Variants in PARM1 observed in about 807,000 individuals in gnomAD.
PARM1 encodes the protein prostate androgen-regulated mucin-like protein 1, also known as WSC4, cell wall integrity and stress response component 4 homolog.
In PARM1, 14 loss-of-function variants were observed where a neutral mutation model predicts 24.6. That is an observed-to-expected ratio of 0.57 (90% confidence interval 0.38 to 0.89). The LOEUF (loss-of-function observed/expected upper bound fraction) is 0.89, where lower values mean the gene tolerates loss of function less well. Ranked by LOEUF, PARM1 falls within the 40% of genes least tolerant of loss-of-function variation. The pLI is 0.00. For missense variants in PARM1, 362 were observed against 380.4 expected, an observed-to-expected ratio of 0.95 and a Z score of 0.40; for synonymous variants, 179 against 156.6, an observed-to-expected ratio of 1.14 and a Z score of -1.07.
chr4:75,047,939 A>G lies in PARM1; in HGVS notation c.*1692A>G, dbSNP rs778421978. ...GTAACAGCTGATATTAGCAAGCAGC[A>G]TCTTATGTCCTGATTTCATATAGTA... On this transcript the variant is annotated 3_prime_UTR_variant, in exon 4 of 4. Transcript: ENST00000307428. The G allele has an allele frequency of 7.9e-5, 12 of 152,220 alleles. No individual in the cohort carries two copies. Among genetic ancestry groups the G allele is most frequent in the Non-Finnish European group, 1.5e-4 (10 of 68,048 alleles). 9.4% of individuals were successfully genotyped at this position (152,220 alleles called of 1,614,324 possible). A position where few individuals can be genotyped will look rare whatever the true frequency, so the allele number is the denominator to read the frequency against.
At chr4:74,960,850 TA>T (rs1560776039) in intron 1 of PARM1, among the ~76,000 whole-genome samples, 4 of 140,644 alleles carry the variant, frequency 2.8e-5, no homozygotes, top group Non-Finnish European at 6.1e-5. Context: ...CTACTAAAAA[TA>T]CAAAAAAAAA....
At chr4:75,039,836 T>G (rs1354429673) in intron 3 of PARM1, among the ~76,000 whole-genome samples, 3 of 152,234 alleles carry the variant, frequency 2.0e-5, no homozygotes, top group Admixed American at 2.0e-4. Flanking sequence ...GCCTTTGTAA[T>G]TTTGAACATG....
chr4:75,011,699 A>G (rs895011465), intron 1 of PARM1, among the ~76,000 whole-genome samples: 1 of 152,236 alleles, frequency 6.6e-6, no homozygotes, highest in Non-Finnish European at 1.5e-5. Context: ...GGCAAGTGAT[A>G]TGATGGTAAG....
At chr4:74,963,944 G>T (rs1175156723) in intron 1 of PARM1, among the ~76,000 whole-genome samples, 1 of 152,022 alleles carries the variant, frequency 6.6e-6, no homozygotes, top group Non-Finnish European at 1.5e-5. Context: ...TTGAACTAAG[G>T]CAAATGTGCT....
At chr4:74,936,170 A>T (rs1446182831) in intron 1 of PARM1, among the ~76,000 whole-genome samples, 1 of 152,124 alleles carries the variant, frequency 6.6e-6, no homozygotes, top group Non-Finnish European at 1.5e-5. Flanking sequence ...GAAATCTTAG[A>T]TGGTCTTCAG....
intron 1 of PARM1, among the ~76,000 whole-genome samples, chr4:74,966,296 CAA>C (rs1243090200): frequency 1.3e-5 from 2 of 152,006 alleles, no homozygotes; most frequent in Non-Finnish European, 2.9e-5. Flanking sequence ...CAATATGTGT[CAA>C]GACTATTTTA....
At chr4:74,945,082 A>C (rs992977835) in intron 1 of PARM1, among the ~76,000 whole-genome samples, 1 of 152,236 alleles carries the variant, frequency 6.6e-6, no homozygotes, top group African/African-American at 2.4e-5. Flanking sequence ...GAAATGGTCC[A>C]TGATGTACTG....
chr4:74,963,440 G>A (rs546616451), intron 1 of PARM1, among the ~76,000 whole-genome samples: 2 of 152,218 alleles, frequency 1.3e-5, no homozygotes, highest in East Asian at 1.9e-4. Flanking sequence ...ACCAAATATG[G>A]TATATACATG....
intron 2 of PARM1, among the ~76,000 whole-genome samples, chr4:75,019,985 G>C (rs2109799967): frequency 7.0e-6 from 1 of 142,210 alleles, no homozygotes; most frequent in East Asian, 2.0e-4. Context: ...AGTCCGGCCT[G>C]GGCGACAGAA....
At chr4:75,028,638 G>A (rs111521732) in intron 2 of PARM1, among the ~76,000 whole-genome samples, 7 of 152,346 alleles carry the variant, frequency 4.6e-5, no homozygotes, top group African/African-American at 1.7e-4. Context: ...AAGCTGACTG[G>A]TGAATTTTCA....
intron 3 of PARM1, among the ~76,000 whole-genome samples, chr4:75,041,552 A>G (rs1454720220): frequency 1.3e-5 from 2 of 152,196 alleles, no homozygotes; most frequent in Non-Finnish European, 2.9e-5. Flanking sequence ...AGGACAAGGT[A>G]TTTCCTAAAA....
chr4:74,993,650 A>C (rs191453516), intron 1 of PARM1, among the ~76,000 whole-genome samples: 6 of 152,182 alleles, frequency 3.9e-5, no homozygotes, highest in Non-Finnish European at 8.8e-5. Context: ...GTTTCAGGTA[A>C]AAAGAATAAC....
chr4:75,029,073 A>G (rs1055882192), intron 2 of PARM1, among the ~76,000 whole-genome samples: 2 of 152,162 alleles, frequency 1.3e-5, no homozygotes. Context: ...TGTGATCAAG[A>G]AAAGGGGCCC....
intron 2 of PARM1, among the ~76,000 whole-genome samples, chr4:75,017,990 T>C (rs1300648199): frequency 6.6e-6 from 1 of 152,248 alleles, no homozygotes; most frequent in Admixed American, 6.5e-5. Flanking sequence ...CTATGGTTGC[T>C]ACTTTACTAT....
intron 1 of PARM1, among the ~76,000 whole-genome samples, chr4:74,975,286 T>A (rs955490681): frequency 5.9e-5 from 9 of 152,242 alleles, no homozygotes; most frequent in African/African-American, 2.2e-4. Flanking sequence ...AACAAGACAC[T>A]GCAGTTAATG....
At chr4:75,030,220 G>T (rs1434969768) in intron 2 of PARM1, among the ~76,000 whole-genome samples, 1 of 152,130 alleles carries the variant, frequency 6.6e-6, no homozygotes, top group Non-Finnish European at 1.5e-5. Context: ...AAAAGTTAAT[G>T]ATTAAAAATG....
At chr4:75,033,842 T>A (rs1295240247) in intron 2 of PARM1, 41 bp from the exon 3 acceptor site, 1 of 1,516,390 alleles carries the variant, frequency 6.6e-7, no homozygotes, top group African/African-American at 1.4e-5. Context: ...ATGCCCCGTA[T>A]CCTCATGTAT....
At chr4:74,978,640 C>G (rs937146886) in intron 1 of PARM1, among the ~76,000 whole-genome samples, 1 of 152,144 alleles carries the variant, frequency 6.6e-6, no homozygotes, top group African/African-American at 2.4e-5. Flanking sequence ...CTTTCCACCC[C>G]AAAAATAATG....
chr4:74,938,823 C>T (rs1157280220), intron 1 of PARM1, among the ~76,000 whole-genome samples: 1 of 152,098 alleles, frequency 6.6e-6, no homozygotes, highest in Non-Finnish European at 1.5e-5. Flanking sequence ...GGGAACTTTG[C>T]CATTGTGTAA....
Sources: gnomAD v4.1 joint callset for allele counts (sites outside exome capture counted in the v4.1 genomes callset) on GRCh38, gnomAD v4.1.1 for gene constraint, MANE v1.5 for transcripts, NCBI Gene and HGNC (gene_info 2026-07-23, HGNC 2026-07-21) for gene names.